CCDC30: variants seen among roughly 807,000 people sequenced by gnomAD.
The protein encoded by CCDC30 is coiled-coil domain-containing protein 30.
A neutral mutation model predicts 100.2 loss-of-function variants in CCDC30; 70 were observed. The ratio of observed to expected loss-of-function variants is 0.70; its 90% CI spans 0.58 to 0.85. The LOEUF is 0.85. Among genes scored for constraint, CCDC30 ranks in the 40% least tolerant of loss-of-function variants. The pLI is 0.00. For missense variants in CCDC30, 652 were observed against 771.2 expected (o/e 0.85, Z 1.83); for synonymous variants, 233 against 269.5 (o/e 0.86, Z 1.33).
intron 12 of CCDC30, 117 bp from the exon 17 acceptor site, chr1:42,642,356 A>T: frequency 2.5e-6 from 2 of 811,576 alleles, no homozygotes; most frequent in Middle Eastern, 5.3e-4. Flanking sequence ...AGACTAGGGG[A>T]CAGGAAAAAA....
At position 42,521,678 on chromosome 1, in the gene CCDC30, G is replaced by T. The variant is rs534277174; in HGVS notation, c.456+22762G>T. Among the ~76,000 whole-genome samples, 4 of 152,180 alleles carry T rather than the reference G, an allele frequency of 2.6e-5. No homozygotes were observed. The South Asian group carries it at 8.3e-4, about 32-fold the overall frequency. On this transcript the variant is annotated intron_variant, in intron 6 of 16. Coordinates refer to ENST00000668663, the Ensembl canonical transcript of CCDC30. Reference sequence around the variant, plus strand: ...TATTGACTCCATTTATTCTTGAACAGTCTGTTTCTCCCTTCAATTCTGTAA... The same window carrying T: ...TATTGACTCCATTTATTCTTGAACATTCTGTTTCTCCCTTCAATTCTGTAA...
chr1:42,600,318 A>C (rs1457694476), intron 10 of CCDC30, among the ~76,000 whole-genome samples: 1 of 152,228 alleles, frequency 6.6e-6, no homozygotes, highest in Non-Finnish European at 1.5e-5. Context: ...ATACAACTGC[A>C]AGGAGGAGTA....
chr1:42,631,449 T>C (rs1012713228), intron 11 of CCDC30, among the ~76,000 whole-genome samples: 4 of 152,130 alleles, frequency 2.6e-5, no homozygotes, highest in African/African-American at 9.7e-5. Context: ...GCACTGGGTC[T>C]CTCCCAAGTC....
intron 8 of CCDC30, among the ~76,000 whole-genome samples, chr1:42,579,680 G>C (rs1645920704): frequency 6.6e-6 from 1 of 150,848 alleles, no homozygotes; most frequent in Admixed American, 6.6e-5. Flanking sequence ...AGGAAGAAAG[G>C]AAGGAAGGGA....
At chr1:42,466,661 C>T (rs1276553781) in intron 1 of CCDC30, among the ~76,000 whole-genome samples, 2 of 151,878 alleles carry the variant, frequency 1.3e-5, no homozygotes, top group East Asian at 1.9e-4. Context: ...CAGCGATTCT[C>T]CTGCCTCAGC....
intron 7 of CCDC30, among the ~76,000 whole-genome samples, chr1:42,573,597 T>G (rs2148578197): frequency 6.6e-6 from 1 of 152,246 alleles, no homozygotes; most frequent in East Asian, 1.9e-4. Flanking sequence ...TCTTGTTCTG[T>G]TTACTGGCTA....
Position 42,571,940 on chromosome 1 carries a change from C to T in CCDC30, c.637-5080C>T, listed in dbSNP as rs150747916. Reference sequence around the variant, plus strand: ...ATGTTCAGTCAATGAATTTCAGATTCTTTCTTGAGTAGCAAGATATATGAA... The same window carrying T: ...ATGTTCAGTCAATGAATTTCAGATTTTTTCTTGAGTAGCAAGATATATGAA... On this transcript the variant is annotated intron_variant, in intron 7 of 16. Coordinates refer to ENST00000668663, the Ensembl canonical transcript of CCDC30. Among the ~76,000 whole-genome samples the T allele has an allele frequency of 4.0e-3, 602 of 152,276 alleles. 4 individuals carry two copies. The highest frequency in any genetic ancestry group is 0.014 in the African/African-American group (580 of 41,560).
intron 10 of CCDC30, among the ~76,000 whole-genome samples, chr1:42,597,423 T>C (rs533250845): frequency 6.6e-6 from 1 of 151,804 alleles, no homozygotes; most frequent in Non-Finnish European, 1.5e-5. Context: ...GAGGAAAAAA[T>C]AAACAACCTT....
Position 42,589,339 on chromosome 1 carries a change from C to G in CCDC30, c.1020C>G (p.Asn340Lys), listed in dbSNP as rs376338895. The G allele has an allele frequency of 8.1e-6, 13 of 1,607,022 alleles. No individual in the cohort carries two copies. The African/African-American group carries it at 1.3e-4, about 17-fold the overall frequency. The change falls in exon 10 of 17, where the codon AAC becomes AAG. Residue 340 changes from asparagine to lysine, a missense_variant. Asn to Lys is a moderately conservative substitution (Grantham distance 94). Coordinates refer to ENST00000668663, the Ensembl canonical transcript of CCDC30. ...CCCTCAGGAAACTTCTATATCAGAA[C>G]GTAGATGAGTTACACAGGCAAGTGA...
intron 8 of CCDC30, among the ~76,000 whole-genome samples, chr1:42,577,802 G>A (rs916455061): frequency 9.9e-5 from 15 of 151,968 alleles, no homozygotes; most frequent in East Asian, 1.9e-4. Context: ...CACCACGCCC[G>A]GCTAATTTTT....
chr1:42,537,048 A>G, intron 6 of CCDC30: 1 of 370,814 alleles, frequency 2.7e-6, no homozygotes, highest in Non-Finnish European at 5.3e-6. Context: ...ATAGGGAGGG[A>G]GAGCACAATT....
upstream of CCDC30, among the ~76,000 whole-genome samples, chr1:42,462,552 G>C (rs1643439884): frequency 6.6e-6 from 1 of 152,144 alleles, no homozygotes; most frequent in South Asian, 2.1e-4. Context: ...ACTAGAGTAA[G>C]ACCAAGAAAT....
At chr1:42,537,519 T>G (rs1569958981) in intron 6 of CCDC30, 1 of 341,358 alleles carries the variant, frequency 2.9e-6, no homozygotes, top group East Asian at 8.1e-5. Flanking sequence ...CCACTTTGAC[T>G]TCAAGGCTTT....
At chr1:42,615,391 A>G (rs1646706811) in intron 11 of CCDC30, among the ~76,000 whole-genome samples, 1 of 152,186 alleles carries the variant, frequency 6.6e-6, no homozygotes, top group Middle Eastern at 3.4e-3. Flanking sequence ...TCTACCTCCC[A>G]GGCTCAAGCA....
the CCDC30 span, among the ~76,000 whole-genome samples, chr1:42,458,090 A>G: frequency 2.2e-4 from 34 of 152,316 alleles, no homozygotes; most frequent in African/African-American, 7.9e-4. Context: ...GTGCTTTGGT[A>G]AGGCTGGAGA....
At chr1:42,570,743 TATG>T (rs771980669) in intron 7 of CCDC30, among the ~76,000 whole-genome samples, 4 of 152,242 alleles carry the variant, frequency 2.6e-5, no homozygotes, top group African/African-American at 7.2e-5. Flanking sequence ...GTGTCTGCCT[TATG>T]ATAACTTTGT....
rs1645570260 is a variant in CCDC30, at chr1:42,564,690, G to A, written c.457-1606G>A. On this transcript the variant is annotated intron_variant, in intron 6 of 16. Transcript: ENST00000668663. ...TATGTATCATCTCACATACTTTTTT[G>A]TGGTGAGAACATTTAAGCTCTACTC... 2.6e-5 allele frequency among the ~76,000 whole-genome samples: 4 copies of A among 152,270 alleles called. No individual in the cohort carries two copies. In the South Asian group the frequency reaches 8.3e-4, roughly 32 times the overall value.
chr1:42,514,564 C>A (rs1644526469), intron 6 of CCDC30, among the ~76,000 whole-genome samples: 1 of 152,096 alleles, frequency 6.6e-6, no homozygotes, highest in Non-Finnish European at 1.5e-5. Flanking sequence ...TTTTTCAAAT[C>A]CTTTACCAAT....
At chr1:42,506,430 C>T (rs1014271402) in intron 6 of CCDC30, among the ~76,000 whole-genome samples, 1 of 152,182 alleles carries the variant, frequency 6.6e-6, no homozygotes, top group Non-Finnish European at 1.5e-5. Flanking sequence ...AAATTTCCAG[C>T]ATAGTTACAG....
Sources: gnomAD v4.1 joint callset for allele counts (sites outside exome capture counted in the v4.1 genomes callset) on GRCh38, gnomAD v4.1.1 for gene constraint, MANE v1.5 for transcripts, NCBI Gene and HGNC (gene_info 2026-07-23, HGNC 2026-07-21) for gene names.